RNF8: variants seen among roughly 807,000 people sequenced by gnomAD.
RNF8 encodes the protein ring finger protein 8.
A neutral mutation model predicts 59.3 loss-of-function variants in RNF8; 8 were observed. That is an observed-to-expected ratio of 0.13 (90% confidence interval 0.08 to 0.24). The LOEUF (loss-of-function observed/expected upper bound fraction) is 0.24, where lower values mean the gene tolerates loss of function less well. Among genes scored for constraint, RNF8 ranks in the 10% least tolerant of loss-of-function variants. The pLI, the probability that RNF8 is intolerant of heterozygous loss-of-function variation, is 1.00. For missense variants in RNF8, 406 were observed against 572.6 expected, an observed-to-expected ratio of 0.71 and a Z score of 2.97; for synonymous variants, 162 against 200.0, an observed-to-expected ratio of 0.81 and a Z score of 1.60.
rs758979569 is a variant in RNF8, at chr6:37,368,593, A to G, written c.350A>G (p.Asn117Ser). 8 of 1,614,194 alleles carry G rather than the reference A, an allele frequency of 5.0e-6. No individual in the cohort carries two copies. In the East Asian group the frequency reaches 6.7e-5, roughly 13 times the overall value. Reference sequence around the variant, plus strand: ...GGAGTGCCTCTGGAAAATAAGGAGAATGCGGAGTATGAATATGAAGTTACT... The same window carrying G: ...GGAGTGCCTCTGGAAAATAAGGAGAGTGCGGAGTATGAATATGAAGTTACT... ...QLGVPLENKENAEYEYEVTEE... is the reference protein window; with the variant it reads ...QLGVPLENKESAEYEYEVTEE... Residue 117 changes from asparagine to serine, a missense_variant, in exon 3 of 8, where the codon AAT (asparagine) becomes AGT (serine). By Grantham distance (46) the Asn-to-Ser change is conservative. This residue lies in a region of RNF8 where 285 missense variants were observed against 342.0 expected (regional missense o/e 0.83). Transcript: ENST00000373479.
At position 37,392,225 on chromosome 6, in the gene RNF8, C is replaced by A; in HGVS notation, c.*1467C>A. 2.6e-6 allele frequency: 1 copy of A among 379,696 alleles called. No homozygotes were observed. The allele number at this position is 379,696 out of a possible 1,614,324, so 23.5% of individuals were successfully genotyped here. A position where few individuals can be genotyped will look rare whatever the true frequency, so the allele number is the denominator to read the frequency against. ...AGAGAACAAAAGGAAAAGATTGTTACCACCTTGATTTAATAACTTCTTGTT... is the reference window on the plus strand; with the variant it reads ...AGAGAACAAAAGGAAAAGATTGTTAACACCTTGATTTAATAACTTCTTGTT... On this transcript the variant is annotated 3_prime_UTR_variant, in exon 8 of 8. Transcript: ENST00000373479.
intron 6 of RNF8, among the ~76,000 whole-genome samples, 187 bp from the exon 7 acceptor site, chr6:37,380,963 A>G (rs972688823): frequency 1.3e-5 from 2 of 152,156 alleles, no homozygotes; most frequent in African/African-American, 2.4e-5. Context: ...GATTACAGGC[A>G]TGAGCCATCA....
intron 1 of RNF8, among the ~76,000 whole-genome samples, chr6:37,355,767 T>C (rs1335786301): frequency 6.6e-6 from 1 of 152,218 alleles, no homozygotes; most frequent in Non-Finnish European, 1.5e-5. Flanking sequence ...TAAGCATTCA[T>C]TCTTTTAGCT....
chr6:37,379,021 A>G (rs1482173982), intron 6 of RNF8, among the ~76,000 whole-genome samples: 1 of 151,876 alleles, frequency 6.6e-6, no homozygotes, highest in African/African-American at 2.4e-5. Context: ...TTATTTATTT[A>G]TTTGTTTATT....
chr6:37,380,730 C>T (rs531715128), intron 6 of RNF8, among the ~76,000 whole-genome samples: 43 of 151,566 alleles, frequency 2.8e-4, no homozygotes, highest in South Asian at 2.7e-3. Context: ...TCACCCTGGC[C>T]GGAGTGCAGT....
Position 37,388,602 on chromosome 6 carries a change from T to C in RNF8, c.1442-2140T>C, listed in dbSNP as rs1770602088. Among the ~76,000 whole-genome samples the C allele has an allele frequency of 1.3e-5, 2 of 151,952 alleles. 1 individual carries two copies. The highest frequency in any genetic ancestry group is 4.1e-4 in the South Asian group (2 of 4,820). On this transcript the variant is annotated intron_variant, in intron 7 of 7. Transcript: ENST00000373479. ...TAGAAGAGGGGCCTGCAGGGCAGAC[T>C]GATGAATGGCCAAAGAGAGAGATGG...
In RNF8 at chr6:37,368,785, G is replaced by A; in HGVS notation, c.542G>A (p.Cys181Tyr). The change falls in exon 3 of 8, where the codon TGT becomes TAT. Residue 181 changes from cysteine to tyrosine, a missense_variant. Cys to Tyr is a radical substitution (Grantham distance 194). This residue lies in a region of RNF8 where 285 missense variants were observed against 342.0 expected (regional missense o/e 0.83). Transcript: ENST00000373479. ...NLKSKINKVS[C>Y]ESGQPVKSQG... is the part of the protein sequence containing the mutation. Reference sequence around the variant, plus strand: ...AAATCCAAAATAAATAAAGTGTCTTGTGAATCTGGTCAGCCAGTGAAATCA... The same window carrying A: ...AAATCCAAAATAAATAAAGTGTCTTATGAATCTGGTCAGCCAGTGAAATCA... 1 of 1,614,190 alleles carries A rather than the reference G, an allele frequency of 6.2e-7. No individual in the cohort carries two copies. The highest frequency in any genetic ancestry group is 8.5e-7 in the Non-Finnish European group (1 of 1,180,040).
rs368814103 is a variant in RNF8 at position 37,390,815 on chromosome 6, C to T, written c.*57C>T. ...CCAGGTAGTGCGAGCCTGAGATGGT[C>T]TGGAGGATTCTCTCTAGCCGTGACT... On this transcript the variant is annotated 3_prime_UTR_variant, in exon 8 of 8. Coordinates refer to ENST00000373479, the MANE Select transcript of RNF8 (RefSeq NM_003958.4). 17 of 1,613,938 alleles carry T rather than the reference C, an allele frequency of 1.1e-5. No homozygotes were observed. In the Admixed American group the frequency reaches 1.3e-4, roughly 13 times the overall value.
At chr6:37,379,472 A>G (rs1770164322) in intron 6 of RNF8, among the ~76,000 whole-genome samples, 1 of 152,062 alleles carries the variant, frequency 6.6e-6, no homozygotes, top group African/African-American at 2.4e-5. Flanking sequence ...AGCATTTTTG[A>G]GCCTCAGAAA....
intron 7 of RNF8, among the ~76,000 whole-genome samples, chr6:37,382,915 G>T (rs1438712073): frequency 6.6e-6 from 1 of 151,584 alleles, no homozygotes; most frequent in Non-Finnish European, 1.5e-5. Flanking sequence ...AGAGGTTGCA[G>T]TGAGCCAAGA....
At position 37,371,536 on chromosome 6, in the gene RNF8, A is replaced by C. The variant is rs768434829; in HGVS notation, c.1000A>C (p.Lys334Gln). ...GGGTTTGGAGATAGCCCAAGGAGAA[A>C]AGGACCTGAAGCAACAGCTGGCCCA... ...LQGLEIAQGE[K>Q]DLKQQLAQAL... is the part of the protein sequence containing the mutation. The change falls in exon 4 of 8, where the codon AAG becomes CAG. Residue 334 changes from lysine to glutamine, a missense_variant. Physicochemically the swap from Lys to Gln is moderately conservative, Grantham distance 53. This residue lies in a region of RNF8 where 285 missense variants were observed against 342.0 expected (regional missense o/e 0.83). Transcript: ENST00000373479. 6.2e-7 allele frequency: 1 copy of C among 1,614,054 alleles called. No individual in the cohort carries two copies. Among genetic ancestry groups the C allele is most frequent in the Non-Finnish European group, 8.5e-7 (1 of 1,179,962 alleles).
rs554343449 is a variant in RNF8 at position 37,354,419 on chromosome 6, G to T, written c.111+144G>T. ...AAGAGGAGCGAAGTGTCTGTGGGGGGGGTGGATTCCTGGGGAGAGAAGGGA... is the reference window on the plus strand; with the variant it reads ...AAGAGGAGCGAAGTGTCTGTGGGGGTGGTGGATTCCTGGGGAGAGAAGGGA... On this transcript the variant is annotated intron_variant, in intron 1 of 7. Transcript: ENST00000373479. The T allele has an allele frequency of 3.9e-5, 27 of 688,182 alleles. No individual in the cohort carries two copies. In the Admixed American group the frequency reaches 7.1e-4, roughly 18 times the overall value. 42.6% of individuals were successfully genotyped at this position (688,182 alleles called of 1,614,324 possible). A position where few individuals can be genotyped will look rare whatever the true frequency, so the allele number is the denominator to read the frequency against.
Position 37,381,241 on chromosome 6 carries a change from A to G in RNF8, c.1328A>G (p.Asp443Gly), listed in dbSNP as rs1256097091. The change falls in exon 7 of 8, where the codon GAC becomes GGC. Residue 443 changes from aspartate to glycine, a missense_variant. This residue lies in a region of RNF8 where 59 missense variants were observed against 118.5 expected (regional missense o/e 0.50). Transcript: ENST00000373479. ...ATAGAATGCCCCATTTGTCGGAAGGACATTAAGTCCAAAACGTACTCTTTG... is the reference window on the plus strand; with the variant it reads ...ATAGAATGCCCCATTTGTCGGAAGGGCATTAAGTCCAAAACGTACTCTTTG... ...RKIECPICRK[D>G]IKSKTYSLVL... The G allele has an allele frequency of 1.2e-6, 2 of 1,614,036 alleles. No homozygotes were observed. Among genetic ancestry groups the G allele is most frequent in the South Asian group, 1.1e-5 (1 of 91,086 alleles).
At chr6:37,359,208 A>G in intron 1 of RNF8, 1 of 455,568 alleles carries the variant, frequency 2.2e-6, no homozygotes. Flanking sequence ...GACTGGTCCA[A>G]CAGGAAAGTA....
intron 2 of RNF8, among the ~76,000 whole-genome samples, chr6:37,367,833 C>T (rs1185729444): frequency 6.6e-6 from 1 of 152,184 alleles, no homozygotes; most frequent in Non-Finnish European, 1.5e-5. Flanking sequence ...GCAGACAAAA[C>T]TGAGGCATGG....
intron 1 of RNF8, among the ~76,000 whole-genome samples, chr6:37,355,049 G>C (rs1037815402): frequency 9.8e-5 from 15 of 152,308 alleles, no homozygotes; most frequent in Admixed American, 4.6e-4. Context: ...TCTCTCCAGA[G>C]GCTGCCTGTC....
At position 37,394,719 on chromosome 6, in the gene RNF8, A is replaced by G. The variant is rs1770814141; in HGVS notation, c.*3961A>G. On this transcript the variant is annotated 3_prime_UTR_variant, in exon 8 of 8. Coordinates refer to ENST00000373479, the MANE Select transcript of RNF8 (RefSeq NM_003958.4). Reference sequence around the variant, plus strand: ...TTTGTACTCTGCATGTATTCAATAAATTCAATTCAGCAATAGTTATCAAAT... The same window carrying G: ...TTTGTACTCTGCATGTATTCAATAAGTTCAATTCAGCAATAGTTATCAAAT... 6.6e-6 allele frequency: 1 copy of G among 152,166 alleles called. No individual in the cohort carries two copies. Among genetic ancestry groups the G allele is most frequent in the Non-Finnish European group, 1.5e-5 (1 of 68,030 alleles). The allele number at this position is 152,166 out of a possible 1,614,324, so 9.4% of individuals were successfully genotyped here.
At chr6:37,367,659 C>T (rs1279779806) in intron 2 of RNF8, among the ~76,000 whole-genome samples, 1 of 152,210 alleles carries the variant, frequency 6.6e-6, no homozygotes, top group African/African-American at 2.4e-5. Flanking sequence ...ACACCTCGGC[C>T]TCTCAAAGTG....
chr6:37,357,037 C>G (rs1769146306), intron 1 of RNF8, among the ~76,000 whole-genome samples: 1 of 152,156 alleles, frequency 6.6e-6, no homozygotes, highest in African/African-American at 2.4e-5. Flanking sequence ...CCACACCTGG[C>G]CAGATTTACT....
Sources: gnomAD v4.1 joint callset for allele counts (sites outside exome capture counted in the v4.1 genomes callset) on GRCh38, gnomAD v4.1.1 for gene constraint, gnomAD v4.1.1 regional missense constraint, MANE v1.5 for transcripts, NCBI Gene and HGNC (gene_info 2026-07-23, HGNC 2026-07-21) for gene names.